MRPS6: variants seen among roughly 807,000 people sequenced by gnomAD.
The protein encoded by MRPS6 is mitochondrial ribosomal protein S6, also known as small ribosomal subunit protein bS6m.
A neutral mutation model predicts 13.1 loss-of-function variants in MRPS6; 6 were observed. The observed-to-expected ratio is 0.46, with a 90% CI of 0.25 to 0.91. The LOEUF is 0.91. Ranked by LOEUF, MRPS6 falls within the 40% of genes least tolerant of loss-of-function variation. The pLI, the probability that MRPS6 is intolerant of heterozygous loss-of-function variation, is 0.18. For missense variants in MRPS6, 164 were observed against 155.6 expected, an observed-to-expected ratio of 1.05 and a Z score of -0.29; for synonymous variants, 61 against 56.5, an observed-to-expected ratio of 1.08 and a Z score of -0.36.
At chr21:34,093,151 C>G (rs1001645475) in intron 1 of MRPS6, among the ~76,000 whole-genome samples, 4 of 151,514 alleles carry the variant, frequency 2.6e-5, no homozygotes, top group Non-Finnish European at 4.4e-5. Context: ...AACTTGGAAG[C>G]TTTTGGGGGT....
Position 34,078,101 on chromosome 21 carries a change from G to A in MRPS6, c.45+4356G>A, listed in dbSNP as rs143591043. Among the ~76,000 whole-genome samples the A allele has an allele frequency of 1.1e-3, 167 of 152,200 alleles. 1 individual carries two copies. The Middle Eastern group carries it at 0.02, about 19-fold the overall frequency. On this transcript the variant is annotated intron_variant, in intron 1 of 2. Coordinates refer to ENST00000399312, the MANE Select transcript of MRPS6 (RefSeq NM_032476.4). ...GTGAAGTTTCTGCTGTGTGTTGGTG[G>A]GAGACATCAGTTCAAACGGAAACAT...
In MRPS6 at chr21:34,125,328, CAAACAA is replaced by C. The variant is rs1219778100; in HGVS notation, c.46-7_46-2del. Reference sequence around the variant, plus strand: ...CTTTTTTTTCTTTTCTTTAAAAACACAAACAAAAACAGCCAGAGACTGCTGCTACTT... The same window carrying C: ...CTTTTTTTTCTTTTCTTTAAAAACACAAACAGCCAGAGACTGCTGCTACTT... On this transcript the variant is annotated splice_polypyrimidine_tract_variant and splice_region_variant and intron_variant, in intron 1 of 2. Coordinates refer to ENST00000399312, the MANE Select transcript of MRPS6 (RefSeq NM_032476.4). The C allele has an allele frequency of 1.3e-6, 2 of 1,596,490 alleles. No homozygotes were observed. The highest frequency in any genetic ancestry group is 1.7e-6 in the Non-Finnish European group (2 of 1,175,282).
chr21:34,084,396 GA>G (rs375220115), intron 1 of MRPS6, among the ~76,000 whole-genome samples: 1,748 of 151,658 alleles, frequency 0.012, 38 homozygotes, highest in South Asian at 0.081. Context: ...ACTGAGAACA[GA>G]AAAAAAACAC....
chr21:34,118,537 C>G (rs542345664), intron 1 of MRPS6, among the ~76,000 whole-genome samples: 1 of 147,688 alleles, frequency 6.8e-6, no homozygotes, highest in Non-Finnish European at 1.5e-5. Flanking sequence ...ATTAGTTACT[C>G]CACATTTCTT....
At chr21:34,101,547 A>G (rs1309907362) in intron 1 of MRPS6, 1 of 999,974 alleles carries the variant, frequency 1.0e-6, no homozygotes, top group African/African-American at 1.7e-5. Flanking sequence ...TACCATTCAG[A>G]GAGACTGGTC....
At chr21:34,097,858 A>G (rs915075622) in intron 1 of MRPS6, 5 of 997,010 alleles carry the variant, frequency 5.0e-6, no homozygotes, top group African/African-American at 3.5e-5. Context: ...TTGTTTCAGG[A>G]CAAGTTCATT....
chr21:34,132,918 T>C (rs1001969147), intron 2 of MRPS6, among the ~76,000 whole-genome samples: 3 of 152,196 alleles, frequency 2.0e-5, no homozygotes, highest in African/African-American at 7.2e-5. Context: ...GGCTAATGAC[T>C]TAACCTTTTT....
intron 1 of MRPS6, chr21:34,098,887 A>G: frequency 1.0e-6 from 1 of 999,090 alleles, no homozygotes; most frequent in Non-Finnish European, 1.2e-6. Context: ...ACTTTCTTTG[A>G]CCTTCTTTAA....
intron 1 of MRPS6, among the ~76,000 whole-genome samples, chr21:34,074,157 GGCCCCGCCGCCGCCGCCTGGTCCGTCCC>G (rs1989262335): frequency 6.7e-6 from 1 of 149,226 alleles, no homozygotes; most frequent in Non-Finnish European, 1.5e-5. Flanking sequence ...CCTCGTCGCC[GGCCCCGCCGCCGCCGCCTGGTCCGTCCC>G]GCTCCGCCGC....
At chr21:34,112,847 T>C (rs1979758696) in intron 1 of MRPS6, among the ~76,000 whole-genome samples, 1 of 152,082 alleles carries the variant, frequency 6.6e-6, no homozygotes, top group Non-Finnish European at 1.5e-5. Flanking sequence ...TTTAACATAA[T>C]TCAGAGAAAC....
intron 1 of MRPS6, among the ~76,000 whole-genome samples, chr21:34,093,056 T>G (rs1164414339): frequency 6.6e-6 from 1 of 152,184 alleles, no homozygotes; most frequent in African/African-American, 2.4e-5. Flanking sequence ...GATACCTTTT[T>G]AAATAATGTT....
At chr21:34,125,095 G>T (rs1304378126) in intron 1 of MRPS6, 1 of 478,324 alleles carries the variant, frequency 2.1e-6, no homozygotes, top group Admixed American at 4.1e-5. Flanking sequence ...AGCTGCCCTG[G>T]TCCCTGAACT....
intron 1 of MRPS6, among the ~76,000 whole-genome samples, chr21:34,106,650 C>T (rs894366892): frequency 2.0e-5 from 3 of 152,174 alleles, no homozygotes; most frequent in Non-Finnish European, 2.9e-5. Context: ...AATATTTTTT[C>T]TGAACCATTT....
chr21:34,105,018 T>C (rs1403395922), intron 1 of MRPS6: 3 of 1,000,050 alleles, frequency 3.0e-6, no homozygotes, highest in Non-Finnish European at 2.4e-6. Flanking sequence ...ATCTCTAACT[T>C]TTGAGTGGCA....
intron 2 of MRPS6, among the ~76,000 whole-genome samples, chr21:34,129,579 G>T (rs1980429195): frequency 6.6e-6 from 1 of 152,092 alleles, no homozygotes; most frequent in African/African-American, 2.4e-5. Context: ...TCTATTTACG[G>T]GTAAGCAGAA....
intron 1 of MRPS6, among the ~76,000 whole-genome samples, chr21:34,087,450 T>C (rs1978450791): frequency 6.6e-6 from 1 of 152,220 alleles, no homozygotes; most frequent in African/African-American, 2.4e-5. Flanking sequence ...CTAGGACACA[T>C]CAGGGAACAA....
chr21:34,098,232 A>C (rs932035080), intron 1 of MRPS6: 1 of 999,456 alleles, frequency 1.0e-6, no homozygotes. Flanking sequence ...GATTACTCAT[A>C]TATTCTGCTA....
At chr21:34,106,524 A>G (rs1979483023) in intron 1 of MRPS6, among the ~76,000 whole-genome samples, 1 of 152,240 alleles carries the variant, frequency 6.6e-6, no homozygotes, top group Non-Finnish European at 1.5e-5. Context: ...TGAAATTTCA[A>G]GTTATAGGAA....
intron 1 of MRPS6, chr21:34,100,358 G>C: frequency 1.0e-6 from 1 of 1,000,176 alleles, no homozygotes; most frequent in Non-Finnish European, 1.2e-6. Flanking sequence ...AGAATATTCT[G>C]TTCTGCCACC....
Sources: allele counts gnomAD v4.1 joint callset (sites outside exome capture counted in the v4.1 genomes callset), GRCh38; gene constraint gnomAD v4.1.1; transcripts MANE v1.5; gene names NCBI Gene and HGNC (gene_info 2026-07-23, HGNC 2026-07-21).